The following GLIS3 variants were observed in gnomAD, a reference collection of about 807,000 sequenced individuals.
GLIS3 encodes the protein GLIS family zinc finger 3, also known as zinc finger protein GLIS3.
GLIS3 carries 53 observed loss-of-function variants against 78.6 expected under a neutral mutation model. The ratio of observed to expected loss-of-function variants is 0.67; its 90% CI spans 0.54 to 0.85. GLIS3 has a LOEUF of 0.85. Ranked by LOEUF, GLIS3 falls within the 40% of genes least tolerant of loss-of-function variation. The probability of loss-of-function intolerance (pLI) is 0.00; values close to 1 mark genes in which losing one functional copy is unlikely to be tolerated. For synonymous variants in GLIS3, 684 were observed against 509.9 expected (o/e 1.34, Z -4.60); for missense variants, 1,703 against 1,231.1 (o/e 1.38, Z -5.74).
chr9:3,845,106 C>A (rs1281172513), intron 9 of GLIS3, among the ~76,000 whole-genome samples: 1 of 151,482 alleles, frequency 6.6e-6, no homozygotes, highest in African/African-American at 2.4e-5. Flanking sequence ...TTTATATAAA[C>A]ATGCATATAT....
At chr9:4,351,124 T>A (rs1817965627), upstream of GLIS3, among the ~76,000 whole-genome samples, 3 of 152,106 alleles carry the variant, frequency 2.0e-5, no homozygotes, top group South Asian at 4.1e-4. Context: ...CTGGTTGGGA[T>A]AGCCTCTCTA....
intron 2 of GLIS3, among the ~76,000 whole-genome samples, chr9:4,284,200 T>A (rs1277098580): frequency 6.6e-6 from 1 of 152,204 alleles, no homozygotes; most frequent in Non-Finnish European, 1.5e-5. Flanking sequence ...AACCATAGCA[T>A]ACAACTCAGT....
chr9:4,324,172 A>G (rs1047322356), intron 2 of GLIS3, among the ~76,000 whole-genome samples: 4 of 152,208 alleles, frequency 2.6e-5, no homozygotes, highest in Non-Finnish European at 5.9e-5. Context: ...TGTGCATAAT[A>G]ATTTCCCATC....
intron 2 of GLIS3, among the ~76,000 whole-genome samples, chr9:4,319,794 T>A (rs993568418): frequency 3.9e-5 from 6 of 152,188 alleles, no homozygotes; most frequent in African/African-American, 1.4e-4. Flanking sequence ...CTCCTACTAG[T>A]ACCTCTTAAA....
At chr9:4,342,898 G>A (rs932491798) in intron 2 of GLIS3, among the ~76,000 whole-genome samples, 2 of 152,070 alleles carry the variant, frequency 1.3e-5, no homozygotes, top group African/African-American at 4.8e-5. Flanking sequence ...TCTCAGCTTG[G>A]GCATTTTTGA....
chr9:4,362,231 T>C, the GLIS3 span, among the ~76,000 whole-genome samples: 64,006 of 152,066 alleles, frequency 0.42, 13,706 homozygotes, highest in Middle Eastern at 0.48. Flanking sequence ...GCATTTTTGC[T>C]ATGGATTTTT....
the GLIS3 span, among the ~76,000 whole-genome samples, chr9:4,396,168 A>G: frequency 6.6e-6 from 1 of 150,964 alleles, no homozygotes; most frequent in Non-Finnish European, 1.5e-5. Flanking sequence ...GTTGTGGTAC[A>G]TTGGCATGAT....
intron 2 of GLIS3, among the ~76,000 whole-genome samples, chr9:4,322,823 A>G (rs1817553937): frequency 1.3e-5 from 2 of 152,152 alleles, no homozygotes; most frequent in African/African-American, 4.8e-5. Context: ...CCTGTGTCAG[A>G]TGGGTAGATT....
intron 2 of GLIS3, among the ~76,000 whole-genome samples, chr9:4,317,480 G>T (rs950756996): frequency 6.6e-6 from 1 of 152,344 alleles, no homozygotes; most frequent in Admixed American, 6.5e-5. Context: ...TTAGGAAGCA[G>T]ATGTCTTTTT....
chr9:4,335,644 G>T (rs143956775), intron 2 of GLIS3, among the ~76,000 whole-genome samples: 1 of 152,260 alleles, frequency 6.6e-6, no homozygotes, highest in East Asian at 1.9e-4. Flanking sequence ...GTAGCCCGGG[G>T]TTAAACAAGG....
the GLIS3 span, among the ~76,000 whole-genome samples, chr9:4,363,252 G>A: frequency 1.3e-5 from 2 of 152,046 alleles, no homozygotes; most frequent in Admixed American, 6.5e-5. Flanking sequence ...GTAAAACCCC[G>A]TCTCTACTAA....
At chr9:4,338,385 C>T (rs200918908) in intron 2 of GLIS3, among the ~76,000 whole-genome samples, 38 of 110,374 alleles carry the variant, frequency 3.4e-4, no homozygotes, top group African/African-American at 1.2e-3. Flanking sequence ...CACACACACA[C>T]ACATACACAC....
intron 4 of GLIS3, among the ~76,000 whole-genome samples, chr9:3,960,864 T>C (rs1466017511): frequency 1.3e-5 from 2 of 152,350 alleles, no homozygotes; most frequent in East Asian, 3.9e-4. Context: ...AATGTCCTGA[T>C]GTTTCGCCAA....
intron 6 of GLIS3, among the ~76,000 whole-genome samples, chr9:3,920,000 GTTTT>G: frequency 1.3e-5 from 1 of 79,606 alleles, no homozygotes; most frequent in Admixed American, 1.4e-4. Flanking sequence ...TGCTATTACA[GTTTT>G]TTTTTTTTTT....
intron 2 of GLIS3, among the ~76,000 whole-genome samples, chr9:4,141,425 G>C (rs1428293191): frequency 9.9e-5 from 15 of 152,190 alleles, no homozygotes; most frequent in Non-Finnish European, 1.9e-4. Flanking sequence ...GACTCCTAGA[G>C]GCTATGTGGG....
intron 4 of GLIS3, among the ~76,000 whole-genome samples, chr9:3,979,062 G>A (rs998601377): frequency 3.9e-5 from 6 of 152,048 alleles, no homozygotes; most frequent in Non-Finnish European, 8.8e-5. Context: ...GTATCCTCAT[G>A]GGGTCCTGGA....
the GLIS3 span, among the ~76,000 whole-genome samples, chr9:4,451,601 A>G: frequency 6.6e-6 from 1 of 152,188 alleles, no homozygotes. Context: ...AGTTGGAAGT[A>G]AAGCACTCCT....
chr9:4,397,902 T>G, the GLIS3 span, among the ~76,000 whole-genome samples: 1 of 151,908 alleles, frequency 6.6e-6, no homozygotes, highest in African/African-American at 2.4e-5. Context: ...CTTCTGAATA[T>G]CTCTATAGAC....
At position 4,264,919 on chromosome 9, in the gene GLIS3, C is replaced by A. The variant is rs370291476; in HGVS notation, c.388+21119G>T. On this transcript the variant is annotated intron_variant, in intron 2 of 10. Transcript: ENST00000381971. Reference sequence around the variant, plus strand: ...CAGTGGCTCACGCCTGTAATCCCAGCACGGTGGGATGCCCAGGTGGGTGGA... The same window carrying A: ...CAGTGGCTCACGCCTGTAATCCCAGAACGGTGGGATGCCCAGGTGGGTGGA... 1.8e-4 allele frequency among the ~76,000 whole-genome samples: 27 copies of A among 152,138 alleles called. No individual in the cohort carries two copies. In the East Asian group the frequency reaches 4.2e-3, roughly 24 times the overall value.
Sources: gnomAD v4.1 joint callset for allele counts (sites outside exome capture counted in the v4.1 genomes callset) on GRCh38, gnomAD v4.1.1 for gene constraint, MANE v1.5 for transcripts, NCBI Gene and HGNC (gene_info 2026-07-23, HGNC 2026-07-21) for gene names.